Variants in ZZEF1 observed in about 807,000 individuals in gnomAD.
ZZEF1 encodes the protein zinc finger ZZ-type and EF-hand domain containing 1.
In ZZEF1, 157 loss-of-function variants were observed where a neutral mutation model predicts 342.8. That is an observed-to-expected ratio of 0.46 (90% CI 0.40 to 0.52). ZZEF1 has a LOEUF of 0.52. ZZEF1 is among the 20% of genes least tolerant of loss of function. The pLI is 0.00. For synonymous variants in ZZEF1, 1,505 were observed against 1,429.1 expected, an observed-to-expected ratio of 1.05 and a Z score of -1.20; for missense variants, 3,480 against 3,725.6, an observed-to-expected ratio of 0.93 and a Z score of 1.72.
rs141754313 is a variant in ZZEF1 at position 4,076,876 on chromosome 17, G to A, written c.3103C>T (p.Arg1035Cys). Residue 1035 changes from arginine to cysteine, a missense_variant, in exon 20 of 55, where the codon CGT becomes TGT. This residue lies in a region of ZZEF1 where 1,528 missense variants were observed against 1,624.1 expected (regional missense o/e 0.94). Transcript: ENST00000381638. ...LCNSVFSMAA[R>C]QLVIFLLDFC... ...CTGCTAGTTTTTCTTACCAGTTGAC[G>A]AGCTGCCATTGAAAACACTGAGTTA... 2.6e-4 allele frequency: 414 copies of A among 1,614,020 alleles called. No homozygotes were observed. In the African/African-American group the frequency reaches 4.7e-3, roughly 18 times the overall value.
At chr17:4,126,942 G>C (rs1414581067) in intron 1 of ZZEF1, among the ~76,000 whole-genome samples, 1 of 152,106 alleles carries the variant, frequency 6.6e-6, no homozygotes, top group Admixed American at 6.6e-5. Flanking sequence ...ACTCCAGCCT[G>C]GGTGCTAGAG....
chr17:4,009,037 C>T (rs753847981), intron 53 of ZZEF1, 83 bp from the exon 54 acceptor site: 727 of 1,477,776 alleles, frequency 4.9e-4, no homozygotes, highest in Non-Finnish European at 6.3e-4. Flanking sequence ...CACCTGCTTG[C>T]GAAAGCAGAA....
At chr17:4,056,664 A>G (rs1002798030) in intron 32 of ZZEF1, 4 of 144,336 alleles carry the variant, frequency 2.8e-5, no homozygotes, top group African/African-American at 1.2e-4. Flanking sequence ...AGGGCCAAAT[A>G]AAGTTATTAT....
chr17:4,011,432 T>C (rs1449022274), intron 52 of ZZEF1, among the ~76,000 whole-genome samples: 1 of 151,768 alleles, frequency 6.6e-6, no homozygotes, highest in East Asian at 1.9e-4. Flanking sequence ...ATGACTACCA[T>C]TGTTATGATT....
At chr17:4,141,796 T>A (rs2058855341) in intron 1 of ZZEF1, among the ~76,000 whole-genome samples, 1 of 152,014 alleles carries the variant, frequency 6.6e-6, no homozygotes, top group African/African-American at 2.4e-5. Flanking sequence ...GGATCAGTCT[T>A]CTTAACTCGA....
At position 4,067,215 on chromosome 17, in the gene ZZEF1, C is replaced by A. The variant is rs369195363; in HGVS notation, c.4103G>T (p.Ser1368Ile). Residue 1368 changes from serine (S) to isoleucine (I), a missense_variant, in exon 27 of 55, where the codon AGT (serine) becomes ATT (isoleucine). This residue lies in a region of ZZEF1 where 1,528 missense variants were observed against 1,624.1 expected (regional missense o/e 0.94). Coordinates refer to ENST00000381638, the MANE Select transcript of ZZEF1 (RefSeq NM_015113.4). Reference sequence around the variant, plus strand: ...GGAATAAACCTGGGCAAACTCTTCACTCAGGGCTATTTTGCCCCCACTGTT... The same window carrying A: ...GGAATAAACCTGGGCAAACTCTTCAATCAGGGCTATTTTGCCCCCACTGTT... ...YVNSGGKIAL[S>I]EEFAQVYSLA... 3 of 1,613,360 alleles carry A rather than the reference C, an allele frequency of 1.9e-6. No homozygotes were observed. The African/African-American group carries it at 4.0e-5, about 22-fold the overall frequency.
intron 37 of ZZEF1, among the ~76,000 whole-genome samples, chr17:4,047,994 T>TA (rs376689230): frequency 2.0e-5 from 3 of 151,780 alleles, no homozygotes; most frequent in South Asian, 2.1e-4. Context: ...AAAAAACCCA[T>TA]AAAAAAACCC....
intron 21 of ZZEF1, 26 bp downstream of exon 21, chr17:4,076,611 G>A (rs1170841059): frequency 1.3e-6 from 2 of 1,596,092 alleles, no homozygotes; most frequent in South Asian, 1.1e-5. Flanking sequence ...AGAACACGGG[G>A]CGGCTCAAGT....
Position 4,009,611 on chromosome 17 carries a change from C to A in ZZEF1, c.8726G>T (p.Arg2909Leu), listed in dbSNP as rs112119466. 2.5e-5 allele frequency: 41 copies of A among 1,613,256 alleles called. No homozygotes were observed. In the African/African-American group the frequency reaches 4.5e-4, roughly 18 times the overall value. ...CCAGACCTCAGGCCTCACCTGGGCACGGTTCTCGGTGACGAAGAAGAGCTC... is the reference window on the plus strand; with the variant it reads ...CCAGACCTCAGGCCTCACCTGGGCAAGGTTCTCGGTGACGAAGAAGAGCTC... The part of the protein sequence containing the change: ...LTELFFVTEN[R>L]AQELGVLQDY... The change falls in exon 53 of 55, where the codon CGT becomes CTT. Residue 2909 changes from arginine (R) to leucine (L), a missense_variant. Arg to Leu is a moderately radical substitution (Grantham distance 102, BLOSUM62 -2). Around this residue, in one of 5 missense-constraint regions of ZZEF1, gnomAD observed 1,269 missense variants for 1,342.4 expected, o/e 0.95. Transcript: ENST00000381638.
At chr17:4,048,127 T>C (rs2056964635) in intron 37 of ZZEF1, among the ~76,000 whole-genome samples, 1 of 152,120 alleles carries the variant, frequency 6.6e-6, no homozygotes, top group South Asian at 2.1e-4. Context: ...GGCTCAAAGG[T>C]GAGGACTACT....
intron 5 of ZZEF1, among the ~76,000 whole-genome samples, chr17:4,111,451 A>G (rs1029167909): frequency 6.6e-6 from 1 of 152,110 alleles, no homozygotes; most frequent in Non-Finnish European, 1.5e-5. Context: ...TGAGGTCAGT[A>G]GTTCGAGACC....
intron 11 of ZZEF1, among the ~76,000 whole-genome samples, chr17:4,093,217 A>G (rs181947593): frequency 3.3e-5 from 5 of 152,344 alleles, no homozygotes; most frequent in Admixed American, 3.3e-4. Context: ...TTGTCCCAAG[A>G]GTAGGACATA....
At chr17:4,060,638 G>T (rs1186625044) in intron 30 of ZZEF1, among the ~76,000 whole-genome samples, 1 of 137,330 alleles carries the variant, frequency 7.3e-6, no homozygotes, top group Non-Finnish European at 1.5e-5. Context: ...ACCCCTTCCT[G>T]CTTCTCCTGA....
chr17:4,084,812 G>C (rs2057788792), intron 16 of ZZEF1, among the ~76,000 whole-genome samples: 1 of 152,122 alleles, frequency 6.6e-6, no homozygotes, highest in East Asian at 1.9e-4. Flanking sequence ...ACCATTTAAG[G>C]AATAAAACTT....
At chr17:4,020,586 C>T (rs1015927934) in intron 45 of ZZEF1, among the ~76,000 whole-genome samples, 4 of 152,190 alleles carry the variant, frequency 2.6e-5, no homozygotes, top group African/African-American at 9.6e-5. Flanking sequence ...ATCCTCCTGC[C>T]TCAGCCTCCC....
chr17:4,074,905 T>C (rs2057579412), intron 23 of ZZEF1, among the ~76,000 whole-genome samples, 192 bp downstream of exon 23: 1 of 152,260 alleles, frequency 6.6e-6, no homozygotes, highest in African/African-American at 2.4e-5. Flanking sequence ...CATGGCTGTG[T>C]TCCAAAAAAA....
intron 1 of ZZEF1, among the ~76,000 whole-genome samples, chr17:4,127,737 C>T (rs2058594728): frequency 6.6e-6 from 1 of 152,140 alleles, no homozygotes; most frequent in Non-Finnish European, 1.5e-5. Flanking sequence ...TGTTTACTTG[C>T]TCAATGTGTA....
At chr17:4,112,582 C>T (rs879556174) in intron 5 of ZZEF1, 27 bp downstream of exon 5, 1 of 1,612,542 alleles carries the variant, frequency 6.2e-7, no homozygotes. Flanking sequence ...TTGCTTTTCC[C>T]TATCCCCTCA....
rs370825383 is a variant in ZZEF1 at position 4,096,651 on chromosome 17, G to A, written c.1722C>T (p.Thr574=). The change falls in exon 10 of 55, where the codon ACC becomes ACT. Residue 574 remains threonine, a synonymous_variant. Coordinates refer to ENST00000381638, the MANE Select transcript of ZZEF1 (RefSeq NM_015113.4). ...GKTRASTIFS[T]GTESAFQVTQ... Reference sequence around the variant, plus strand: ...TAACTTGGAAGGCAGATTCAGTTCCGGTAGAAAAAATAGTGCTGGCTCTGG... The same window carrying A: ...TAACTTGGAAGGCAGATTCAGTTCCAGTAGAAAAAATAGTGCTGGCTCTGG... 1.4e-5 allele frequency: 22 copies of A among 1,613,990 alleles called. No homozygotes were observed. The highest frequency in any genetic ancestry group is 2.2e-5 in the South Asian group (2 of 91,050).
Sources: gnomAD v4.1 joint callset for allele counts (sites outside exome capture counted in the v4.1 genomes callset) on GRCh38, gnomAD v4.1.1 for gene constraint, gnomAD v4.1.1 regional missense constraint, MANE v1.5 for transcripts, NCBI Gene and HGNC (gene_info 2026-07-23, HGNC 2026-07-21) for gene names.